Variants in VDR observed in about 807,000 individuals in gnomAD.
VDR encodes the protein vitamin D receptor, also known as vitamin D3 receptor.
Under a neutral mutation model 39.7 loss-of-function variants are expected in VDR, and 19 were observed. The observed-to-expected ratio is 0.48, with a 90% CI of 0.33 to 0.70. The LOEUF (loss-of-function observed/expected upper bound fraction) is 0.70. Among genes scored for constraint, VDR ranks in the 30% least tolerant of loss-of-function variants. The probability of loss-of-function intolerance (pLI) is 0.02; values close to 1 mark genes in which losing one functional copy is unlikely to be tolerated. For missense variants in VDR, 442 were observed against 570.5 expected, an observed-to-expected ratio of 0.77 and a Z score of 2.29; for synonymous variants, 242 against 215.8, an observed-to-expected ratio of 1.12 and a Z score of -1.07.
rs551438467 is a variant in VDR at position 47,896,352 on chromosome 12, T to A, written c.-84+8603A>T. Among the ~76,000 whole-genome samples, 3 of 152,364 alleles carry A rather than the reference T, an allele frequency of 2.0e-5. No individual in the cohort carries two copies. The East Asian group carries it at 5.8e-4, about 29-fold the overall frequency. ...AACCCTCCTTTCTTGCTCAGGCACC[T>A]GGTCTACAGACAAAACCATCTAGTG... On this transcript the variant is annotated intron_variant, in intron 1 of 9. Transcript: ENST00000549336.
At chr12:47,877,519 C>T (rs1045336149) in intron 3 of VDR, among the ~76,000 whole-genome samples, 2 of 152,128 alleles carry the variant, frequency 1.3e-5, no homozygotes, top group African/African-American at 2.4e-5. Flanking sequence ...TCCATTTGAG[C>T]AAGGACATCC....
At chr12:47,900,828 A>C (rs1592159417) in intron 1 of VDR, among the ~76,000 whole-genome samples, 1 of 151,556 alleles carries the variant, frequency 6.6e-6, no homozygotes, top group Admixed American at 6.6e-5. Flanking sequence ...GTCTGCACAG[A>C]CTCCGCTTTC....
intron 2 of VDR, 72 bp downstream of exon 2, chr12:47,882,622 T>TGCCCCG: frequency 1.7e-6 from 1 of 603,850 alleles, no homozygotes; most frequent in Non-Finnish European, 3.0e-6. Context: ...CACCTTCTTA[T>TGCCCCG]GCCCCTCCCC....
Position 47,871,292 on chromosome 12 carries a change from C to CTCTTTCTTTCTTTCTTTCTTTCTTTCTT in VDR, c.147-6143_147-6116dup, listed in dbSNP as rs60835997. On this transcript the variant is annotated intron_variant, in intron 3 of 9. Transcript: ENST00000549336. ...CTTTCTTTTCTCTTTCTTTCTCTTT[C>CTCTTTCTTTCTTTCTTTCTTTCTTTCTT]TCTTTCTTTCTTTCTTTCTTTCTTT... is the stretch of plus-strand genomic sequence containing the variant. Among the ~76,000 whole-genome samples the CTCTTTCTTTCTTTCTTTCTTTCTTTCTT allele has an allele frequency of 5.3e-4, 42 of 79,874 alleles. 2 individuals are homozygous for CTCTTTCTTTCTTTCTTTCTTTCTTTCTT. Among genetic ancestry groups the CTCTTTCTTTCTTTCTTTCTTTCTTTCTT allele is most frequent in the East Asian group, 2.4e-3 (6 of 2,508 alleles). 52.4% of individuals were successfully genotyped at this position (79,874 alleles called of 152,430 possible). A position where few individuals can be genotyped will look rare whatever the true frequency, so the allele number is the denominator to read the frequency against.
intron 1 of VDR, among the ~76,000 whole-genome samples, chr12:47,884,913 G>A (rs552904968): frequency 1.4e-4 from 21 of 152,140 alleles, no homozygotes; most frequent in African/African-American, 4.3e-4. Flanking sequence ...CTCCTCACTC[G>A]ACTTTCCAAT....
Position 47,857,704 on chromosome 12 carries a change from G to A in VDR, c.278-16C>T. 1 of 1,610,970 alleles carries A rather than the reference G, an allele frequency of 6.2e-7. No individual in the cohort carries two copies. Among genetic ancestry groups the A allele is most frequent in the Non-Finnish European group, 8.5e-7 (1 of 1,177,636 alleles). ...GTCAGAATGACTGTGGGGTGGGAAGGGGAGTCAGGAGGGCTGGCCAGCAGC... is the reference window on the plus strand; with the variant it reads ...GTCAGAATGACTGTGGGGTGGGAAGAGGAGTCAGGAGGGCTGGCCAGCAGC... On this transcript the variant is annotated splice_polypyrimidine_tract_variant and intron_variant, in intron 4 of 9. Transcript: ENST00000549336.
chr12:47,881,114 A>ATG (rs1946142300), intron 2 of VDR, among the ~76,000 whole-genome samples: 1 of 118,630 alleles, frequency 8.4e-6, no homozygotes, highest in Non-Finnish European at 2.1e-5. Context: ...GTATATATAT[A>ATG]TATATACACA....
At chr12:47,879,258 C>T in intron 2 of VDR, 143 bp from the exon 3 acceptor site, 3 of 1,003,514 alleles carry the variant, frequency 3.0e-6, no homozygotes, top group Non-Finnish European at 4.3e-6. Flanking sequence ...GGGCATCTCC[C>T]CAGGGCCCAG....
chr12:47,904,835 T>C, intron 1 of VDR, 120 bp downstream of exon 1: 1 of 484,540 alleles, frequency 2.1e-6, no homozygotes, highest in Admixed American at 3.5e-5. Context: ...GTAGCCAAGT[T>C]TACCGCTGAG....
chr12:47,865,581 T>TGG (rs1945714485), intron 3 of VDR, among the ~76,000 whole-genome samples: 1 of 151,966 alleles, frequency 6.6e-6, no homozygotes, highest in African/African-American at 2.4e-5. Flanking sequence ...CTGGCTAATT[T>TGG]TTTGATTTTT....
intron 3 of VDR, among the ~76,000 whole-genome samples, chr12:47,867,067 C>A (rs548381146): frequency 2.0e-5 from 3 of 150,516 alleles, no homozygotes; most frequent in Admixed American, 2.0e-4. Context: ...AAAGGTGGCA[C>A]CCTTGAGGCT....
At chr12:47,868,254 G>T (rs2137173258) in intron 3 of VDR, among the ~76,000 whole-genome samples, 1 of 152,342 alleles carries the variant, frequency 6.6e-6, no homozygotes, top group African/African-American at 2.4e-5. Flanking sequence ...AGTCAAGGAA[G>T]CAGCTGCTGT....
At chr12:47,883,182 G>A (rs1435720060) in intron 1 of VDR, among the ~76,000 whole-genome samples, 1 of 152,198 alleles carries the variant, frequency 6.6e-6, no homozygotes, top group East Asian at 1.9e-4. Context: ...AGCTCAGGAA[G>A]CAGAGCAACT....
intron 1 of VDR, among the ~76,000 whole-genome samples, chr12:47,903,921 T>C (rs1404540198): frequency 6.6e-6 from 1 of 152,108 alleles, no homozygotes. Flanking sequence ...CCCCTGCCCA[T>C]GAGGAAGACC....
At chr12:47,874,489 G>C (rs140760005) in intron 3 of VDR, among the ~76,000 whole-genome samples, 1 of 152,210 alleles carries the variant, frequency 6.6e-6, no homozygotes, top group Admixed American at 6.5e-5. Flanking sequence ...CATCTTCCTG[G>C]ATCCTCGCCA....
Position 47,854,041 on chromosome 12 carries a change from A to G in VDR, c.755+1589T>C, listed in dbSNP as rs140049817. Among the ~76,000 whole-genome samples, 888 of 152,374 alleles carry G rather than the reference A, an allele frequency of 5.8e-3. 11 individuals carry two copies. The highest frequency in any genetic ancestry group is 5.6e-3 in the Non-Finnish European group (381 of 68,028). On this transcript the variant is annotated intron_variant, in intron 7 of 9. Transcript: ENST00000549336. ...ATGAAATTTATATGAATGAATTGATAAAGGAGGATCCCTTCTCCAGTAGAA... is the reference window on the plus strand; with the variant it reads ...ATGAAATTTATATGAATGAATTGATGAAGGAGGATCCCTTCTCCAGTAGAA...
chr12:47,889,942 C>T (rs779679603), intron 1 of VDR, among the ~76,000 whole-genome samples: 6 of 152,104 alleles, frequency 3.9e-5, no homozygotes, highest in Non-Finnish European at 5.9e-5. Flanking sequence ...CGCTGGGACC[C>T]GCAGCCTGAG....
intron 1 of VDR, among the ~76,000 whole-genome samples, chr12:47,885,068 G>A (rs897447576): frequency 2.6e-5 from 4 of 152,248 alleles, no homozygotes; most frequent in Non-Finnish European, 5.9e-5. Context: ...CACGTCACAC[G>A]CCCACCCCAC....
chr12:47,865,619 C>A (rs1945715356), intron 3 of VDR, among the ~76,000 whole-genome samples: 1 of 151,776 alleles, frequency 6.6e-6, no homozygotes, highest in Non-Finnish European at 1.5e-5. Context: ...CACTATGTTG[C>A]CCAGGCTAGT....
Sources: gnomAD v4.1 joint callset for allele counts (sites outside exome capture counted in the v4.1 genomes callset) on GRCh38, gnomAD v4.1.1 for gene constraint, MANE v1.5 for transcripts, NCBI Gene and HGNC (gene_info 2026-07-23, HGNC 2026-07-21) for gene names.